ARHGAP10: variants seen among roughly 807,000 people sequenced by gnomAD.
ARHGAP10 encodes the protein Rho GTPase activating protein 10.
ARHGAP10 carries 87 observed loss-of-function variants against 108.6 expected under a neutral mutation model. That is an observed-to-expected ratio of 0.80 (90% CI 0.67 to 0.96). ARHGAP10 has a LOEUF of 0.96. Ranked by LOEUF, ARHGAP10 falls within the 40% of genes least tolerant of loss-of-function variation. ARHGAP10 has a pLI of 0.00. For synonymous variants in ARHGAP10, 347 were observed against 341.1 expected, an observed-to-expected ratio of 1.02 and a Z score of -0.19; for missense variants, 939 against 954.5, an observed-to-expected ratio of 0.98 and a Z score of 0.21.
Position 148,041,551 on chromosome 4 carries a change from T to A in ARHGAP10, c.1868-5341T>A, listed in dbSNP as rs565942597. 2.0e-5 allele frequency among the ~76,000 whole-genome samples: 3 copies of A among 152,216 alleles called. No homozygotes were observed. The South Asian group carries it at 6.2e-4, about 32-fold the overall frequency. On this transcript the variant is annotated intron_variant, in intron 19 of 22. Coordinates refer to ENST00000336498, the MANE Select transcript of ARHGAP10 (RefSeq NM_024605.4). ...CTACCTGAAGTGTAAAAGCTTATCA[T>A]TAGATTAAAATAAGATATAAACATC...
chr4:148,015,046 T>C (rs1299623791), intron 18 of ARHGAP10, among the ~76,000 whole-genome samples: 1 of 152,174 alleles, frequency 6.6e-6, no homozygotes, highest in Non-Finnish European at 1.5e-5. Flanking sequence ...GTTCCCTTAT[T>C]CCCTCTCTTT....
chr4:148,030,554 C>G (rs1026857844), intron 19 of ARHGAP10, among the ~76,000 whole-genome samples: 24 of 152,192 alleles, frequency 1.6e-4, no homozygotes, highest in African/African-American at 5.5e-4. Flanking sequence ...TCTGAAAACT[C>G]TATGGCCCAT....
At chr4:147,855,577 G>A (rs1278209427) in intron 4 of ARHGAP10, among the ~76,000 whole-genome samples, 1 of 151,990 alleles carries the variant, frequency 6.6e-6, no homozygotes, top group African/African-American at 2.4e-5. Flanking sequence ...TCTACACATG[G>A]GTGAACCATA....
At chr4:147,784,841 A>G (rs1370110813) in intron 1 of ARHGAP10, among the ~76,000 whole-genome samples, 2 of 102,866 alleles carry the variant, frequency 1.9e-5, no homozygotes, top group African/African-American at 7.9e-5. Context: ...AATATATTAT[A>G]AAATATATAT....
intron 1 of ARHGAP10, among the ~76,000 whole-genome samples, chr4:147,806,567 G>T (rs1306288043): frequency 6.6e-6 from 1 of 151,958 alleles, no homozygotes; most frequent in Non-Finnish European, 1.5e-5. Context: ...TAAGGAGTTT[G>T]CTGCTTTCAT....
At chr4:147,830,292 T>C (rs1235210631) in intron 3 of ARHGAP10, among the ~76,000 whole-genome samples, 1 of 152,156 alleles carries the variant, frequency 6.6e-6, no homozygotes, top group East Asian at 1.9e-4. Flanking sequence ...AGGCTTTTGT[T>C]AGCATTTAGA....
intron 13 of ARHGAP10, among the ~76,000 whole-genome samples, chr4:147,933,211 C>T (rs1158847532): frequency 6.6e-6 from 1 of 152,108 alleles, no homozygotes; most frequent in Non-Finnish European, 1.5e-5. Context: ...CCTGAATGTT[C>T]TTTTAAAAAT....
In ARHGAP10 at chr4:148,064,586, G is replaced by C. The variant is rs566774571; in HGVS notation, c.2272+79G>C. 6 of 1,313,286 alleles carry C rather than the reference G, an allele frequency of 4.6e-6. No homozygotes were observed. In the East Asian group the frequency reaches 6.9e-5, roughly 15 times the overall value. 81.4% of individuals were successfully genotyped at this position (1,313,286 alleles called of 1,614,324 possible). A position where few individuals can be genotyped will look rare whatever the true frequency, so the allele number is the denominator to read the frequency against. On this transcript the variant is annotated intron_variant, in intron 22 of 22. Transcript: ENST00000336498. Reference sequence around the variant, plus strand: ...CTGCAGCATGGAGTGAGCAGTCAGCGATGGTGCTGTTGTCGGGAGGGCGAG... The same window carrying C: ...CTGCAGCATGGAGTGAGCAGTCAGCCATGGTGCTGTTGTCGGGAGGGCGAG...
intron 15 of ARHGAP10, among the ~76,000 whole-genome samples, chr4:147,947,987 C>T (rs1738452178): frequency 6.9e-6 from 1 of 144,766 alleles, no homozygotes; most frequent in African/African-American, 2.6e-5. Flanking sequence ...TTGGCCCGGG[C>T]TGGAGTGCGA....
intron 1 of ARHGAP10, among the ~76,000 whole-genome samples, chr4:147,806,494 G>C (rs755917546): frequency 4.6e-5 from 7 of 151,312 alleles, no homozygotes; most frequent in Admixed American, 2.0e-4. Flanking sequence ...TCTGTTTTTG[G>C]GGGGGCGGGG....
intron 18 of ARHGAP10, among the ~76,000 whole-genome samples, chr4:148,020,704 TTTGGG>T (rs1219480804): frequency 6.6e-6 from 1 of 152,176 alleles, no homozygotes; most frequent in African/African-American, 2.4e-5. Context: ...TTGGTGGGCA[TTTGGG>T]TTGATTCCAT....
chr4:147,735,022 A>C (rs1478842001), intron 1 of ARHGAP10, among the ~76,000 whole-genome samples: 1 of 152,140 alleles, frequency 6.6e-6, no homozygotes, highest in Non-Finnish European at 1.5e-5. Flanking sequence ...GGAAGATTTC[A>C]ATATGTAATT....
chr4:147,808,771 C>G lies in ARHGAP10; in HGVS notation c.155-13956C>G, dbSNP rs111325310. Among the ~76,000 whole-genome samples the G allele has an allele frequency of 2.1e-3, 322 of 152,320 alleles. 2 individuals carry two copies. The highest frequency in any genetic ancestry group is 7.1e-3 in the African/African-American group (296 of 41,586). ...GAGCATTCTCAACTCTGGGCCCCCTCTGGTTCTGCACTCTTCTAGGACCTC... is the reference window on the plus strand; with the variant it reads ...GAGCATTCTCAACTCTGGGCCCCCTGTGGTTCTGCACTCTTCTAGGACCTC... On this transcript the variant is annotated intron_variant, in intron 1 of 22. Transcript: ENST00000336498.
At chr4:148,014,901 A>G (rs753405651) in intron 18 of ARHGAP10, among the ~76,000 whole-genome samples, 7 of 152,238 alleles carry the variant, frequency 4.6e-5, no homozygotes, top group Non-Finnish European at 7.3e-5. Context: ...CCAATTTGAT[A>G]TATTGTAGAA....
intron 14 of ARHGAP10, 135 bp downstream of exon 14, chr4:147,940,034 G>A: frequency 2.4e-6 from 2 of 827,066 alleles, no homozygotes; most frequent in Non-Finnish European, 3.8e-6. Context: ...TTTCTGCTGA[G>A]CAGAGACAAT....
At chr4:147,838,787 A>C (rs1733276820) in intron 3 of ARHGAP10, among the ~76,000 whole-genome samples, 1 of 152,182 alleles carries the variant, frequency 6.6e-6, no homozygotes, top group African/African-American at 2.4e-5. Context: ...TATTCCTTTT[A>C]AAGTGAGCTT....
chr4:147,886,399 G>A (rs541853007), intron 10 of ARHGAP10, among the ~76,000 whole-genome samples: 60 of 152,216 alleles, frequency 3.9e-4, no homozygotes, highest in African/African-American at 1.4e-3. Context: ...CTTTGTCATT[G>A]CAAGGAACTG....
chr4:147,934,250 A>G (rs991207091), intron 13 of ARHGAP10, among the ~76,000 whole-genome samples: 4 of 152,306 alleles, frequency 2.6e-5, no homozygotes, highest in Middle Eastern at 3.4e-3. Context: ...GGACTGGACC[A>G]TTGTCAAGCT....
intron 18 of ARHGAP10, among the ~76,000 whole-genome samples, chr4:148,007,491 A>T (rs1254442539): frequency 2.0e-5 from 3 of 152,196 alleles, no homozygotes; most frequent in African/African-American, 4.8e-5. Flanking sequence ...ACGTAGCTTG[A>T]TGAGGATATC....
Sources: gnomAD v4.1 joint callset for allele counts (sites outside exome capture counted in the v4.1 genomes callset) on GRCh38, gnomAD v4.1.1 for gene constraint, MANE v1.5 for transcripts, NCBI Gene and HGNC (gene_info 2026-07-23, HGNC 2026-07-21) for gene names.